PRICKLE2: variants seen among roughly 807,000 people sequenced by gnomAD.
The protein encoded by PRICKLE2 is prickle planar cell polarity protein 2, also known as prickle-like protein 2.
PRICKLE2 carries 21 observed loss-of-function variants against 81.4 expected under a neutral mutation model. The ratio of observed to expected loss-of-function variants is 0.26; its 90% CI spans 0.18 to 0.37. The LOEUF is 0.37. Among genes scored for constraint, PRICKLE2 ranks in the 10% least tolerant of loss-of-function variants. The pLI is 1.00. For missense variants in PRICKLE2, 940 were observed against 1,109.0 expected (o/e 0.85, Z 2.16); for synonymous variants, 456 against 421.5 (o/e 1.08, Z -1.00).
At chr3:64,131,783 C>G (rs757891224) in intron 7 of PRICKLE2, among the ~76,000 whole-genome samples, 1 of 152,176 alleles carries the variant, frequency 6.6e-6, no homozygotes, top group Non-Finnish European at 1.5e-5. Context: ...ACATGGTATT[C>G]CCGACCTACT....
At chr3:64,142,303 T>G (rs915370954) in intron 7 of PRICKLE2, among the ~76,000 whole-genome samples, 11 of 133,518 alleles carry the variant, frequency 8.2e-5, no homozygotes, top group African/African-American at 3.0e-4. Flanking sequence ...AGTATTTTCT[T>G]TCTTTCTTTC....
At chr3:64,209,343 T>C (rs697284) in intron 1 of PRICKLE2, among the ~76,000 whole-genome samples, 17,830 of 149,940 alleles carry the variant, frequency 0.12, 1,384 homozygotes, top group East Asian at 0.4. Flanking sequence ...TCCATCCACC[T>C]ATCTATCCAT....
At chr3:64,139,550 G>C (rs1575581343) in intron 7 of PRICKLE2, among the ~76,000 whole-genome samples, 1 of 152,148 alleles carries the variant, frequency 6.6e-6, no homozygotes, top group South Asian at 2.1e-4. Flanking sequence ...ATCAGCACTT[G>C]CCCTTTTCCA....
chr3:64,150,086 G>A (rs757513978), intron 6 of PRICKLE2, among the ~76,000 whole-genome samples: 23 of 149,666 alleles, frequency 1.5e-4, no homozygotes, highest in Non-Finnish European at 1.8e-4. Flanking sequence ...AACCCCGAGC[G>A]CCGTGGACAC....
At chr3:64,199,847 T>A (rs576628085) in intron 1 of PRICKLE2, 24 of 152,214 alleles carry the variant, frequency 1.6e-4, no homozygotes, top group African/African-American at 5.8e-4. Flanking sequence ...AGGAGGAAAA[T>A]TTTAAGGAAA....
chr3:64,159,846 C>T (rs1223189598), intron 4 of PRICKLE2, 94 bp downstream of exon 4: 2 of 1,506,142 alleles, frequency 1.3e-6, no homozygotes, highest in East Asian at 2.3e-5. Flanking sequence ...ATCTCAGGCA[C>T]ATAGTAGGCA....
At chr3:64,151,547 G>A (rs189516321) in intron 6 of PRICKLE2, among the ~76,000 whole-genome samples, 24 of 152,266 alleles carry the variant, frequency 1.6e-4, no homozygotes, top group Non-Finnish European at 2.5e-4. Flanking sequence ...TAGCCTCCAA[G>A]GACAGAAACA....
At chr3:64,108,219 T>C (rs1221344437) in intron 7 of PRICKLE2, among the ~76,000 whole-genome samples, 1 of 152,210 alleles carries the variant, frequency 6.6e-6, no homozygotes, top group Non-Finnish European at 1.5e-5. Flanking sequence ...ACCTCTGGTT[T>C]AGCATGCTGC....
In PRICKLE2 at chr3:64,098,198, C is replaced by T. The variant is rs2076598252; in HGVS notation, c.*853G>A. On this transcript the variant is annotated 3_prime_UTR_variant, in exon 8 of 8. Coordinates refer to ENST00000638394, the MANE Select transcript of PRICKLE2 (RefSeq NM_198859.4). ...ATCAACATTAAGTAACTTCAACATTCCCAGCAGGGATGGCATTTCTCACAG... is the reference window on the plus strand; with the variant it reads ...ATCAACATTAAGTAACTTCAACATTTCCAGCAGGGATGGCATTTCTCACAG... 1 of 152,582 alleles carries T rather than the reference C, an allele frequency of 6.6e-6. No individual in the cohort carries two copies. The highest frequency in any genetic ancestry group is 2.4e-5 in the African/African-American group (1 of 41,426). The allele number at this position is 152,582 out of a possible 1,614,324, so 9.5% of individuals were successfully genotyped here.
At chr3:64,149,477 T>C (rs7613322) in intron 6 of PRICKLE2, among the ~76,000 whole-genome samples, 172 of 152,318 alleles carry the variant, frequency 1.1e-3, no homozygotes, top group African/African-American at 4.1e-3. Context: ...CTGGGGCCCC[T>C]TCCCGTGGGG....
At chr3:64,146,697 C>T (rs1047643725) in intron 7 of PRICKLE2, 133 bp downstream of exon 7, 27 of 952,934 alleles carry the variant, frequency 2.8e-5, no homozygotes, top group East Asian at 1.7e-4. Flanking sequence ...GAGCGGAGAT[C>T]GTGCCACTGC....
At chr3:64,209,702 C>A (rs696229) in intron 1 of PRICKLE2, among the ~76,000 whole-genome samples, 17,839 of 152,260 alleles carry the variant, frequency 0.12, 1,389 homozygotes, top group East Asian at 0.39. Context: ...GCTGGGCACA[C>A]GACAGTCATT....
intron 2 of PRICKLE2, among the ~76,000 whole-genome samples, chr3:64,198,073 G>A (rs969569110): frequency 8.6e-5 from 13 of 151,910 alleles, no homozygotes; most frequent in Non-Finnish European, 1.6e-4. Context: ...TTAGCCAGGG[G>A]TGGTGGCGGG....
intron 7 of PRICKLE2, among the ~76,000 whole-genome samples, chr3:64,135,072 T>A (rs915848112): frequency 5.9e-5 from 9 of 152,102 alleles, no homozygotes; most frequent in Non-Finnish European, 1.2e-4. Context: ...CAGAAACAAA[T>A]CCCTGCAGGT....
rs2077113309 is a variant in PRICKLE2 at position 64,126,739 on chromosome 3, G to A, written c.1660+20091C>T. Among the ~76,000 whole-genome samples the A allele has an allele frequency of 1.6e-4, 24 of 152,086 alleles. 1 individual carries two copies. Among genetic ancestry groups the A allele is most frequent in the Admixed American group, 1.6e-3 (24 of 15,270 alleles). On this transcript the variant is annotated intron_variant, in intron 7 of 7. Transcript: ENST00000638394. ...ACTACAGGTGCACACCACTGCACCT[G>A]GCTAATTTTTGTATTTTTAGTGGAG...
At chr3:64,112,401 T>C (rs2076862916) in intron 7 of PRICKLE2, among the ~76,000 whole-genome samples, 1 of 152,202 alleles carries the variant, frequency 6.6e-6, no homozygotes, top group African/African-American at 2.4e-5. Context: ...GTTGATAAAG[T>C]GCCATTTGTG....
In PRICKLE2 at chr3:64,093,518, C is replaced by T. The variant is rs569175121; in HGVS notation, c.*5533G>A. ...GTTCCAATTGCTCCACATCCTCACCCACATTTGTTGTTATTTTTAATAACT... is the reference window on the plus strand; with the variant it reads ...GTTCCAATTGCTCCACATCCTCACCTACATTTGTTGTTATTTTTAATAACT... On this transcript the variant is annotated 3_prime_UTR_variant, in exon 8 of 8. Coordinates refer to ENST00000638394, the MANE Select transcript of PRICKLE2 (RefSeq NM_198859.4). 6.6e-6 allele frequency: 1 copy of T among 152,274 alleles called. No individual in the cohort carries two copies. Among genetic ancestry groups the T allele is most frequent in the East Asian group, 1.9e-4 (1 of 5,184 alleles). 9.4% of individuals were successfully genotyped at this position (152,274 alleles called of 1,614,324 possible). A position where few individuals can be genotyped will look rare whatever the true frequency, so the allele number is the denominator to read the frequency against.
At chr3:64,246,178 G>A (rs972431234) in intron 2 of PRICKLE2, among the ~76,000 whole-genome samples, 1 of 152,112 alleles carries the variant, frequency 6.6e-6, no homozygotes, top group Non-Finnish European at 1.5e-5. Context: ...GGAGGCAGAG[G>A]TTGCAGTGAG....
chr3:64,147,129 G>A lies in PRICKLE2; in HGVS notation c.1361C>T (p.Ser454Leu). ...GCCAGCATGTCCTGTCATGGCCAGT[G>A]ACGAGCTCCTTTTGGGGTTGCTGAA... is the stretch of plus-strand genomic sequence containing the variant. ...KHFSNPKRSS[S>L]LAMTGHAGSF... The change falls in exon 7 of 8, where the codon TCA becomes TTA. Residue 454 changes from serine (S) to leucine (L), a missense_variant. Ser to Leu is a moderately radical substitution (Grantham distance 145, BLOSUM62 -2). Around this residue, in one of 2 missense-constraint regions of PRICKLE2, gnomAD observed 670 missense variants for 717.2 expected, o/e 0.93. Transcript: ENST00000638394. The surrounding 1 kb of genome is among the most constrained non-coding windows in gnomAD (Gnocchi z 5.0). 1 of 1,614,162 alleles carries A rather than the reference G, an allele frequency of 6.2e-7. No individual in the cohort carries two copies. The highest frequency in any genetic ancestry group is 8.5e-7 in the Non-Finnish European group (1 of 1,180,034).
Sources: allele counts gnomAD v4.1 joint callset (sites outside exome capture counted in the v4.1 genomes callset), GRCh38; gene constraint gnomAD v4.1.1; regional missense constraint gnomAD v4.1.1; non-coding constraint Gnocchi (gnomAD v3.1); transcripts MANE v1.5; gene names NCBI Gene and HGNC (gene_info 2026-07-23, HGNC 2026-07-21).